The following PPFIA1 variants were observed in gnomAD, a reference collection of about 807,000 sequenced individuals.
PPFIA1 encodes the protein liprin-alpha-1.
In PPFIA1, 25 loss-of-function variants were observed where a neutral mutation model predicts 149.9. The observed-to-expected ratio is 0.17, with a 90% CI of 0.12 to 0.23. The LOEUF (loss-of-function observed/expected upper bound fraction) is 0.23. Among genes scored for constraint, PPFIA1 ranks in the 10% least tolerant of loss-of-function variants. The pLI, the probability that PPFIA1 is intolerant of heterozygous loss-of-function variation, is 1.00. For synonymous variants in PPFIA1, 549 were observed against 552.8 expected (o/e 0.99, Z 0.10); for missense variants, 1,362 against 1,506.5 (o/e 0.90, Z 1.59).
chr11:70,316,898 T>C (rs1427550432), intron 2 of PPFIA1, among the ~76,000 whole-genome samples: 2 of 152,254 alleles, frequency 1.3e-5, no homozygotes, highest in Non-Finnish European at 2.9e-5. Context: ...CGTTCAGAAG[T>C]GATAAACATC....
chr11:70,379,128 C>A (rs559176), intron 26 of PPFIA1, among the ~76,000 whole-genome samples: 3 of 151,874 alleles, frequency 2.0e-5, no homozygotes, highest in African/African-American at 7.3e-5. Context: ...CCGTGTCAGT[C>A]GGGGCTGTTT....
Position 70,354,421 on chromosome 11 carries a change from G to A in PPFIA1, c.2284G>A (p.Val762Ile), listed in dbSNP as rs149670968. 4.9e-4 allele frequency: 796 copies of A among 1,613,836 alleles called. 5 individuals are homozygous for A. In the East Asian group the frequency reaches 0.013, roughly 27 times the overall value. Residue 762 changes from valine to isoleucine, a missense_variant, in exon 17 of 28, where the codon GTC becomes ATC. By Grantham distance (29) the Val-to-Ile change is conservative (BLOSUM62 3). Transcript: ENST00000253925. ...DRLHKGALHT[V>I]SHEDIRDIRN... Reference sequence around the variant, plus strand: ...GCTGCACAAAGGGGCGCTGCACACCGTCAGCCACGAGGACATCAGGGACAT... The same window carrying A: ...GCTGCACAAAGGGGCGCTGCACACCATCAGCCACGAGGACATCAGGGACAT...
chr11:70,338,274 A>T, intron 12 of PPFIA1, 100 bp from the exon 13 acceptor site: 1 of 934,030 alleles, frequency 1.1e-6, no homozygotes, highest in Non-Finnish European at 1.7e-6. Context: ...CTGCTGATTT[A>T]ACCTGTTAGG....
intron 14 of PPFIA1, among the ~76,000 whole-genome samples, chr11:70,342,642 T>C (rs1165893406): frequency 1.3e-5 from 2 of 152,298 alleles, no homozygotes; most frequent in African/African-American, 4.8e-5. Context: ...GCAGGTTGGT[T>C]AGAGGGAACT....
At chr11:70,355,835 C>G (rs1404074480) in intron 18 of PPFIA1, 24 bp downstream of exon 18, 1 of 1,594,198 alleles carries the variant, frequency 6.3e-7, no homozygotes, top group South Asian at 1.1e-5. Context: ...CCGCACCCTT[C>G]TCAGCACCCA....
At position 70,288,590 on chromosome 11, in the gene PPFIA1, T is replaced by C. The variant is rs544585104; in HGVS notation, c.264+16154T>C. Among the ~76,000 whole-genome samples the C allele has an allele frequency of 8.5e-5, 13 of 152,184 alleles. 1 individual carries two copies. Among genetic ancestry groups the C allele is most frequent in the Admixed American group, 2.6e-4 (4 of 15,270 alleles). ...TCCTGGAAGTTGCAAAGAGGTGATT[T>C]TTCCAGCTGTCCGTCCGTGTACAGT... On this transcript the variant is annotated intron_variant, in intron 2 of 27. Coordinates refer to ENST00000253925, the MANE Select transcript of PPFIA1 (RefSeq NM_003626.5).
chr11:70,282,779 C>T (rs1428195379), intron 2 of PPFIA1, among the ~76,000 whole-genome samples: 1 of 150,112 alleles, frequency 6.7e-6, no homozygotes, highest in Admixed American at 6.7e-5. Context: ...TGATCCACTG[C>T]ATGCCTTGGC....
rs761275496 is a variant in PPFIA1 at position 70,362,118 on chromosome 11, G to A, written c.2606G>A (p.Arg869Gln). The A allele has an allele frequency of 2.4e-5, 39 of 1,614,078 alleles. No individual in the cohort carries two copies. Among genetic ancestry groups the A allele is most frequent in the East Asian group, 2.2e-5 (1 of 44,880 alleles). Residue 869 changes from arginine to glutamine, a missense_variant, in exon 20 of 28, where the codon CGG (arginine) becomes CAG (glutamine). Around this residue, in one of 7 missense-constraint regions of PPFIA1, gnomAD observed 91 missense variants for 91.2 expected, o/e 1.00. Coordinates refer to ENST00000253925, the MANE Select transcript of PPFIA1 (RefSeq NM_003626.5). ...QKKHELLEEA[R>Q]RQGLPFAQWD... ...AGGCATGAATTGCTGGAGGAAGCCC[G>A]GAGACAAGGTTTACCTTTTGCCCAA... is the stretch of plus-strand genomic sequence containing the variant.
At chr11:70,360,025 G>C (rs1483811149) in intron 19 of PPFIA1, among the ~76,000 whole-genome samples, 1 of 152,228 alleles carries the variant, frequency 6.6e-6, no homozygotes, top group African/African-American at 2.4e-5. Context: ...CCCATGTTTG[G>C]TCTTACAGAT....
intron 21 of PPFIA1, 182 bp from the exon 22 acceptor site, chr11:70,372,033 T>C (rs1027994884): frequency 6.6e-6 from 3 of 453,262 alleles, no homozygotes; most frequent in Admixed American, 3.9e-5. Context: ...ATTCCTGTTG[T>C]ATAAAAATTT....
chr11:70,327,721 C>G (rs954745923), intron 7 of PPFIA1: 2 of 152,132 alleles, frequency 1.3e-5, no homozygotes, highest in Non-Finnish European at 1.5e-5. Flanking sequence ...TTCAGTAAGC[C>G]GAGATCGGGA....
At chr11:70,348,587 T>G (rs1467691747) in intron 16 of PPFIA1, among the ~76,000 whole-genome samples, 167 bp downstream of exon 16, 1 of 152,252 alleles carries the variant, frequency 6.6e-6, no homozygotes, top group Non-Finnish European at 1.5e-5. Flanking sequence ...CAAACTAATT[T>G]TAATATCTGG....
At chr11:70,271,648 A>G (rs1403355808) in intron 1 of PPFIA1, among the ~76,000 whole-genome samples, 1 of 152,132 alleles carries the variant, frequency 6.6e-6, no homozygotes, top group Non-Finnish European at 1.5e-5. Context: ...CCAAGAATTC[A>G]GGGAGCCGTC....
In PPFIA1 at chr11:70,354,417, C is replaced by T; in HGVS notation, c.2280C>T (p.His760=). Residue 760 remains histidine, a synonymous_variant, in exon 17 of 28, where the codon CAC becomes CAT. Coordinates refer to ENST00000253925, the MANE Select transcript of PPFIA1 (RefSeq NM_003626.5). The part of the protein sequence containing the change: ...RLDRLHKGAL[H]TVSHEDIRDI... ...ACCGGCTGCACAAAGGGGCGCTGCA[C>T]ACCGTCAGCCACGAGGACATCAGGG... The T allele has an allele frequency of 1.2e-6, 2 of 1,613,990 alleles. No individual in the cohort carries two copies. The highest frequency in any genetic ancestry group is 8.5e-7 in the Non-Finnish European group (1 of 1,179,998).
At chr11:70,362,046 C>CT in intron 19 of PPFIA1, 49 bp from the exon 20 acceptor site, 1 of 1,561,578 alleles carries the variant, frequency 6.4e-7, no homozygotes, top group Non-Finnish European at 8.8e-7. Flanking sequence ...CAGGTGTGAG[C>CT]TACCATGCCT....
rs139478248 is a variant in PPFIA1, at chr11:70,298,824, C to T, written c.265-25578C>T. Reference sequence around the variant, plus strand: ...TACAGTGATACTGCATAAAGAGATACGGACACTTACCATAGTAAGTTACAG... The same window carrying T: ...TACAGTGATACTGCATAAAGAGATATGGACACTTACCATAGTAAGTTACAG... On this transcript the variant is annotated intron_variant, in intron 2 of 27. Transcript: ENST00000253925. Among the ~76,000 whole-genome samples the T allele has an allele frequency of 6.6e-5, 10 of 152,316 alleles. No homozygotes were observed. In the East Asian group the frequency reaches 7.7e-4, roughly 12 times the overall value.
chr11:70,339,328 C>A (rs746091359), intron 14 of PPFIA1, 22 bp downstream of exon 14: 1 of 1,602,952 alleles, frequency 6.2e-7, no homozygotes, highest in East Asian at 2.2e-5. Context: ...GTGTGAAATA[C>A]CTCTGCTTAC....
intron 15 of PPFIA1, chr11:70,346,045 G>T (rs1030871310): frequency 2.4e-6 from 1 of 418,846 alleles, no homozygotes; most frequent in Non-Finnish European, 4.8e-6. Flanking sequence ...TATTTTAAAG[G>T]GTTTTTCTTT....
At chr11:70,373,068 G>A (rs191791348) in intron 23 of PPFIA1, among the ~76,000 whole-genome samples, 2 of 152,194 alleles carry the variant, frequency 1.3e-5, no homozygotes, top group African/African-American at 4.8e-5. Context: ...AGGAGGAGCT[G>A]CTTAGGGTAA....
Sources: allele counts gnomAD v4.1 joint callset (sites outside exome capture counted in the v4.1 genomes callset), GRCh38; gene constraint gnomAD v4.1.1; regional missense constraint gnomAD v4.1.1; transcripts MANE v1.5; gene names NCBI Gene and HGNC (gene_info 2026-07-23, HGNC 2026-07-21).